The following SGCZ variants were observed in gnomAD, a reference collection of about 807,000 sequenced individuals.
The protein encoded by SGCZ is zeta-sarcoglycan.
A neutral mutation model predicts 41.3 loss-of-function variants in SGCZ; 40 were observed. The observed-to-expected ratio is 0.97, with a 90% confidence interval of 0.75 to 1.26. The LOEUF is 1.26. SGCZ is among the 50% of genes most tolerant of loss of function. SGCZ has a pLI of 0.00. For synonymous variants in SGCZ, 206 were observed against 137.5 expected, an observed-to-expected ratio of 1.50 and a Z score of -3.49; for missense variants, 552 against 369.8, an observed-to-expected ratio of 1.49 and a Z score of -4.04.
At chr8:14,191,707 C>T (rs1045273400) in intron 4 of SGCZ, among the ~76,000 whole-genome samples, 1 of 151,966 alleles carries the variant, frequency 6.6e-6, no homozygotes, top group African/African-American at 2.4e-5. Context: ...TGGTAAAAAT[C>T]GTAAAGAGAA....
chr8:14,951,986 T>C (rs1004861006), intron 1 of SGCZ, among the ~76,000 whole-genome samples: 13 of 152,096 alleles, frequency 8.5e-5, no homozygotes, highest in African/African-American at 2.9e-4. Flanking sequence ...TTGATGAGAA[T>C]TTTTTTCAAC....
chr8:14,768,477 T>C (rs1484336800), intron 1 of SGCZ, among the ~76,000 whole-genome samples: 1 of 152,210 alleles, frequency 6.6e-6, no homozygotes, highest in Non-Finnish European at 1.5e-5. Context: ...ATTTTACAAA[T>C]TTACTTAAAA....
intron 5 of SGCZ, among the ~76,000 whole-genome samples, chr8:14,140,393 G>C (rs1431961630): frequency 2.6e-5 from 4 of 152,156 alleles, no homozygotes; most frequent in Non-Finnish European, 5.9e-5. Context: ...CCTGTTTGCA[G>C]ATGACATGAT....
At chr8:14,307,665 G>C (rs1318500376) in intron 3 of SGCZ, among the ~76,000 whole-genome samples, 3 of 152,080 alleles carry the variant, frequency 2.0e-5, no homozygotes, top group African/African-American at 7.2e-5. Context: ...CATAAAATTT[G>C]TGATCTGTCC....
At chr8:15,171,172 T>C (rs1799816473) in intron 1 of SGCZ, among the ~76,000 whole-genome samples, 1 of 152,194 alleles carries the variant, frequency 6.6e-6, no homozygotes, top group East Asian at 1.9e-4. Flanking sequence ...CTACCTACTC[T>C]TAATTGAAAA....
intron 2 of SGCZ, among the ~76,000 whole-genome samples, chr8:14,386,805 A>G (rs1804594806): frequency 6.6e-6 from 1 of 152,214 alleles, no homozygotes; most frequent in Non-Finnish European, 1.5e-5. Flanking sequence ...AGAATTAGAC[A>G]AGAAAAATTC....
In SGCZ at chr8:14,086,098, AAAT is replaced by A. The variant is rs1801515489; in HGVS notation, c.*4342_*4344del. 6.6e-6 allele frequency among the ~76,000 whole-genome samples: 1 copy of A among 151,714 alleles called. No individual in the cohort carries two copies. The highest frequency in any genetic ancestry group is 2.4e-5 in the African/African-American group (1 of 41,404). ...TGTAATATACACCAGTACATAGAGC[AAAT>A]AATTTCTCCATATGTCATTAAATAT... On this transcript the variant is annotated 3_prime_UTR_variant, in exon 8 of 8. Coordinates refer to ENST00000382080, the MANE Select transcript of SGCZ (RefSeq NM_139167.4).
At chr8:14,151,528 CAT>C (rs918425133) in intron 5 of SGCZ, among the ~76,000 whole-genome samples, 86 of 151,846 alleles carry the variant, frequency 5.7e-4, no homozygotes, top group African/African-American at 1.8e-3. Context: ...AATTTTTACA[CAT>C]GTTTAAGGCA....
At chr8:14,449,570 A>G (rs1465861953) in intron 2 of SGCZ, among the ~76,000 whole-genome samples, 1 of 152,082 alleles carries the variant, frequency 6.6e-6, no homozygotes, top group Non-Finnish European at 1.5e-5. Flanking sequence ...AGGTCAGTTC[A>G]TTGAGTCTGT....
At chr8:14,742,443 G>A (rs1275085595) in intron 1 of SGCZ, among the ~76,000 whole-genome samples, 2 of 151,996 alleles carry the variant, frequency 1.3e-5, no homozygotes, top group East Asian at 3.9e-4. Flanking sequence ...TAAATATGGA[G>A]GAAAATTTAA....
chr8:14,398,635 T>G (rs914164346), intron 2 of SGCZ, among the ~76,000 whole-genome samples: 1 of 152,100 alleles, frequency 6.6e-6, no homozygotes, highest in Non-Finnish European at 1.5e-5. Flanking sequence ...AGATTTTTAT[T>G]TTTTTTAAAA....
chr8:14,306,455 T>C (rs779522958), intron 3 of SGCZ, among the ~76,000 whole-genome samples: 1 of 152,178 alleles, frequency 6.6e-6, no homozygotes, highest in African/African-American at 2.4e-5. Context: ...CTCTGTAAAA[T>C]CATTCTACTA....
chr8:14,525,175 GAT>G lies in SGCZ; in HGVS notation c.234+29555_234+29556del, dbSNP rs1802907752. Among the ~76,000 whole-genome samples the G allele has an allele frequency of 1.9e-4, 27 of 143,226 alleles. No individual in the cohort carries two copies. The Admixed American group carries it at 1.9e-3, about 10-fold the overall frequency. The allele number at this position is 143,226 out of a possible 152,430, so 94.0% of individuals were successfully genotyped here. A position where few individuals can be genotyped will look rare whatever the true frequency, so the allele number is the denominator to read the frequency against. ...AGATAGATAGATAGATAGATAGATA[GAT>G]AGATAGATAGATAGATAGACAGACA... On this transcript the variant is annotated intron_variant, in intron 2 of 7. Coordinates refer to ENST00000382080, the MANE Select transcript of SGCZ (RefSeq NM_139167.4).
At chr8:14,162,110 C>G (rs1262828288) in intron 5 of SGCZ, among the ~76,000 whole-genome samples, 3 of 152,124 alleles carry the variant, frequency 2.0e-5, no homozygotes, top group Admixed American at 2.0e-4. Flanking sequence ...GGCATCGGGG[C>G]TACTAAGCAA....
intron 3 of SGCZ, among the ~76,000 whole-genome samples, chr8:14,238,050 G>A (rs913022490): frequency 6.6e-6 from 1 of 152,274 alleles, no homozygotes; most frequent in Non-Finnish European, 1.5e-5. Flanking sequence ...TTAAGTTTAA[G>A]TTGCATCTTT....
chr8:14,213,441 A>G (rs919200983), intron 4 of SGCZ, among the ~76,000 whole-genome samples: 1 of 152,140 alleles, frequency 6.6e-6, no homozygotes. Context: ...CTCAATTTCT[A>G]TATTTGGTAA....
At chr8:14,550,115 G>T (rs2117174806) in intron 2 of SGCZ, among the ~76,000 whole-genome samples, 1 of 151,992 alleles carries the variant, frequency 6.6e-6, no homozygotes, top group African/African-American at 2.4e-5. Flanking sequence ...TAAGATCATT[G>T]GTTGTGATAG....
chr8:14,591,621 T>G (rs1563137583), intron 1 of SGCZ, among the ~76,000 whole-genome samples: 1 of 152,140 alleles, frequency 6.6e-6, no homozygotes. Context: ...CAAACGTTAT[T>G]GATAACATTA....
intron 1 of SGCZ, among the ~76,000 whole-genome samples, chr8:15,001,923 G>T (rs1373455917): frequency 3.3e-5 from 5 of 152,116 alleles, no homozygotes; most frequent in Admixed American, 6.6e-5. Flanking sequence ...ATGCTAGGCA[G>T]TTTGATTCCT....
Sources: allele counts gnomAD v4.1 joint callset (sites outside exome capture counted in the v4.1 genomes callset), GRCh38; gene constraint gnomAD v4.1.1; transcripts MANE v1.5; gene names NCBI Gene and HGNC (gene_info 2026-07-23, HGNC 2026-07-21).